Variants in ROBO2 observed in about 807,000 individuals in gnomAD.
ROBO2 encodes roundabout guidance receptor 2.
ROBO2 carries 53 observed loss-of-function variants against 160.8 expected under a neutral mutation model. That is an observed-to-expected ratio of 0.33 (90% confidence interval 0.26 to 0.41). The LOEUF is 0.41. Ranked by LOEUF, ROBO2 falls within the 10% of genes least tolerant of loss-of-function variation. The pLI is 1.00. For synonymous variants in ROBO2, 664 were observed against 611.7 expected, an observed-to-expected ratio of 1.09 and a Z score of -1.26; for missense variants, 1,577 against 1,722.4, an observed-to-expected ratio of 0.92 and a Z score of 1.49.
chr3:76,687,942 A>T (rs1463439178), intron 2 of ROBO2, among the ~76,000 whole-genome samples: 1 of 151,924 alleles, frequency 6.6e-6, no homozygotes, highest in Non-Finnish European at 1.5e-5. Flanking sequence ...ATGGGTTTGT[A>T]TATATTGGCT....
At chr3:77,496,615 A>G (rs1435824045) in intron 5 of ROBO2, among the ~76,000 whole-genome samples, 1 of 152,154 alleles carries the variant, frequency 6.6e-6, no homozygotes, top group Non-Finnish European at 1.5e-5. Flanking sequence ...TGAAATTTGA[A>G]TAAGGTTTGT....
chr3:76,115,565 T>C (rs1161297273), intron 2 of ROBO2, among the ~76,000 whole-genome samples: 2 of 152,116 alleles, frequency 1.3e-5, no homozygotes, highest in African/African-American at 2.4e-5. Context: ...CATATGATTA[T>C]TATGAGATAC....
At chr3:77,374,959 G>A (rs1335809332) in intron 2 of ROBO2, among the ~76,000 whole-genome samples, 15 of 152,250 alleles carry the variant, frequency 9.9e-5, no homozygotes, top group South Asian at 4.1e-4. Flanking sequence ...CTGTAATCCC[G>A]GCGCTTTGGA....
intron 2 of ROBO2, among the ~76,000 whole-genome samples, chr3:76,130,432 A>G (rs562062629): frequency 2.0e-5 from 3 of 152,288 alleles, no homozygotes; most frequent in South Asian, 2.1e-4. Context: ...AACATTGTTG[A>G]GTGAAAAGAG....
chr3:76,683,814 A>G (rs1275961009), intron 2 of ROBO2, among the ~76,000 whole-genome samples: 1 of 152,166 alleles, frequency 6.6e-6, no homozygotes, highest in Non-Finnish European at 1.5e-5. Context: ...ATAAAACAAC[A>G]ACCAAACAAG....
chr3:76,069,012 A>G (rs1016316682), intron 2 of ROBO2, among the ~76,000 whole-genome samples: 1 of 148,290 alleles, frequency 6.7e-6, no homozygotes, highest in Non-Finnish European at 1.5e-5. Flanking sequence ...AGAAGGGATG[A>G]TTCTGGCATT....
chr3:76,180,361 G>T (rs1220504382), intron 2 of ROBO2, among the ~76,000 whole-genome samples: 7 of 152,100 alleles, frequency 4.6e-5, no homozygotes, highest in Non-Finnish European at 1.0e-4. Context: ...GTAGAAGCAG[G>T]CACGTATCCA....
intron 2 of ROBO2, among the ~76,000 whole-genome samples, chr3:77,256,914 T>A (rs1348892791): frequency 1.3e-5 from 2 of 152,198 alleles, no homozygotes; most frequent in Non-Finnish European, 2.9e-5. Flanking sequence ...AAAGCCCTCA[T>A]TGCAACTCAT....
intron 2 of ROBO2, among the ~76,000 whole-genome samples, chr3:77,470,807 C>T (rs928305455): frequency 2.6e-5 from 4 of 152,082 alleles, no homozygotes; most frequent in South Asian, 2.1e-4. Context: ...GGAACTGCTT[C>T]GGGCTAGAGG....
chr3:77,194,779 T>C (rs2082166316), intron 2 of ROBO2, among the ~76,000 whole-genome samples: 3 of 152,172 alleles, frequency 2.0e-5, no homozygotes, highest in South Asian at 2.1e-4. Context: ...AAATAGAAAA[T>C]ATAAAATTGC....
chr3:76,270,491 C>T (rs1242995189), intron 2 of ROBO2, among the ~76,000 whole-genome samples: 1 of 152,062 alleles, frequency 6.6e-6, no homozygotes, highest in Non-Finnish European at 1.5e-5. Context: ...TTGCATTACA[C>T]TATAAATGAG....
chr3:76,881,770 A>G (rs1231531821), intron 2 of ROBO2, among the ~76,000 whole-genome samples: 2 of 152,218 alleles, frequency 1.3e-5, no homozygotes, highest in African/African-American at 4.8e-5. Flanking sequence ...CGTGGCATCT[A>G]AATGGGGCCC....
Position 77,408,155 on chromosome 3 carries a change from T to C in ROBO2, c.389-69259T>C, listed in dbSNP as rs528452506. ...ATGAACTGCATTTAGGTATTTTATC[T>C]TTGAGGAACATTCTAACTTTTAGAT... is the stretch of plus-strand genomic sequence containing the variant. On this transcript the variant is annotated intron_variant, in intron 2 of 25. Coordinates refer to ENST00000461745, the Ensembl canonical transcript of ROBO2. Among the ~76,000 whole-genome samples the C allele has an allele frequency of 1.4e-4, 22 of 152,246 alleles. No homozygotes were observed. In the South Asian group the frequency reaches 4.1e-3, roughly 29 times the overall value.
intron 4 of ROBO2, among the ~76,000 whole-genome samples, chr3:77,482,250 G>T (rs573486121): frequency 5.6e-4 from 85 of 152,176 alleles, no homozygotes; most frequent in Middle Eastern, 6.8e-3. Context: ...CTACTTCTGT[G>T]CATGATTTAA....
chr3:76,444,541 C>T (rs2077076942), intron 2 of ROBO2, among the ~76,000 whole-genome samples: 2 of 152,082 alleles, frequency 1.3e-5, no homozygotes, highest in Admixed American at 6.6e-5. Flanking sequence ...GAAAGCAAGG[C>T]ATCTTCTTGC....
chr3:76,120,414 A>T (rs1408608237), intron 2 of ROBO2, among the ~76,000 whole-genome samples: 1 of 152,202 alleles, frequency 6.6e-6, no homozygotes, highest in Non-Finnish European at 1.5e-5. Flanking sequence ...TTACTCTACC[A>T]TATAATCTGC....
At chr3:76,434,790 G>A in intron 2 of ROBO2, 2 of 1,328,116 alleles carry the variant, frequency 1.5e-6, no homozygotes, top group Non-Finnish European at 2.2e-6. Flanking sequence ...GATTAATCAG[G>A]GGGAGAGCAT....
intron 2 of ROBO2, among the ~76,000 whole-genome samples, chr3:77,191,209 T>G (rs1008309608): frequency 6.6e-6 from 1 of 152,162 alleles, no homozygotes; most frequent in Non-Finnish European, 1.5e-5. Flanking sequence ...ACAGACATTT[T>G]GCTTCGAGTA....
At chr3:76,822,960 T>C (rs2066251893) in intron 2 of ROBO2, among the ~76,000 whole-genome samples, 1 of 152,056 alleles carries the variant, frequency 6.6e-6, no homozygotes. Flanking sequence ...TCTGCACTGA[T>C]CCTATAAAAC....
Sources: allele counts gnomAD v4.1 joint callset (sites outside exome capture counted in the v4.1 genomes callset), GRCh38; gene constraint gnomAD v4.1.1; transcripts MANE v1.5; gene names NCBI Gene and HGNC (gene_info 2026-07-23, HGNC 2026-07-21).